Variants in CKB observed in about 807,000 individuals in gnomAD.
CKB encodes the protein creatine kinase B-type.
A neutral mutation model predicts 36.9 loss-of-function variants in CKB; 15 were observed. The ratio of observed to expected loss-of-function variants is 0.41; its 90% CI spans 0.27 to 0.63. The LOEUF (loss-of-function observed/expected upper bound fraction) is 0.63. CKB is among the 20% of genes least tolerant of loss of function. The probability of loss-of-function intolerance (pLI) is 0.34; values close to 1 mark genes in which losing one functional copy is unlikely to be tolerated. For missense variants in CKB, 413 were observed against 534.9 expected (o/e 0.77, Z 2.25); for synonymous variants, 250 against 228.2 (o/e 1.10, Z -0.86).
chr14:103,522,268 G>T lies in CKB; in HGVS notation c.193+33C>A. The stretch of plus-strand genomic sequence containing the variant: ...CCCTGCGGCTGCGCGGGGGGAGGGG[G>T]GGCCGGGACCCCGGCCCCGAGGGGT... On this transcript the variant is annotated intron_variant, in intron 2 of 7. Coordinates refer to ENST00000348956, the MANE Select transcript of CKB (RefSeq NM_001823.5). This position sits in a 1 kb window ranked among gnomAD's most constrained non-coding sequence, Gnocchi z 6.7. 6.3e-7 allele frequency: 1 copy of T among 1,580,738 alleles called. No homozygotes were observed. The highest frequency in any genetic ancestry group is 8.6e-7 in the Non-Finnish European group (1 of 1,167,378).
intron 5 of CKB, 41 bp downstream of exon 5, chr14:103,521,222 G>A (rs1253217017): frequency 3.2e-6 from 5 of 1,543,334 alleles, no homozygotes; most frequent in Non-Finnish European, 4.4e-6. Flanking sequence ...GGAGGTAGCG[G>A]GGAGGGAGGA....
At position 103,522,450 on chromosome 14, in the gene CKB, G is replaced by C. The variant is rs780501259; in HGVS notation, c.44C>G (p.Pro15Arg). 4.1e-5 allele frequency: 66 copies of C among 1,609,286 alleles called. No individual in the cohort carries two copies. Among genetic ancestry groups the C allele is most frequent in the Non-Finnish European group, 5.3e-5 (63 of 1,178,610 alleles). ...CAGGTCGGGGAACTCGTCCTCGGCC[G>C]GGAAGCGCAGCTTCAGTGCGTTGTG... Reference protein sequence around the residue: ...NSHNALKLRFPAEDEFPDLSA... With the variant: ...NSHNALKLRFRAEDEFPDLSA... Residue 15 changes from proline to arginine, a missense_variant, in exon 2 of 8, where the codon CCG becomes CGG. Around this residue, in one of 3 missense-constraint regions of CKB, gnomAD observed 74 missense variants for 70.6 expected, o/e 1.05. Transcript: ENST00000348956. The surrounding 1 kb of genome is among the most constrained non-coding windows in gnomAD (Gnocchi z 6.7).
At chr14:103,521,107 G>A (rs1182614965) in intron 5 of CKB, 156 bp downstream of exon 5, 1 of 932,558 alleles carries the variant, frequency 1.1e-6, no homozygotes, top group South Asian at 1.4e-5. Flanking sequence ...AGGAGGAGGC[G>A]CGGCACGGAA....
In CKB at chr14:103,521,952, T is replaced by A; in HGVS notation, c.349-2A>T. Reference sequence around the variant, plus strand: ...GTTGGGGTCCAGGTCGTCGCCGCCCTGGGAGGCGAGACGGGAGTGAGCGCC... The same window carrying A: ...GTTGGGGTCCAGGTCGTCGCCGCCCAGGGAGGCGAGACGGGAGTGAGCGCC... On this transcript the variant is annotated splice_acceptor_variant, in intron 3 of 7. Transcript: ENST00000348956. LOFTEE classifies it high-confidence loss of function. The A allele has an allele frequency of 6.4e-7, 1 of 1,570,034 alleles. No individual in the cohort carries two copies.
chr14:103,520,530 G>T lies in CKB; in HGVS notation c.716C>A (p.Ser239Tyr). 1.2e-6 allele frequency: 2 copies of T among 1,612,414 alleles called. No homozygotes were observed. Among genetic ancestry groups the T allele is most frequent in the South Asian group, 1.1e-5 (1 of 90,808 alleles). ...VNEEDHLRVISMQKGGNMKEV... is the reference protein window; with the variant it reads ...VNEEDHLRVIYMQKGGNMKEV... ...CTTCATGTTGCCCCCCTTCTGCATGGAGATGACCCGCAGGTGGTCCTCCTC... is the reference window on the plus strand; with the variant it reads ...CTTCATGTTGCCCCCCTTCTGCATGTAGATGACCCGCAGGTGGTCCTCCTC... The change falls in exon 6 of 8, where the codon TCC becomes TAC. Residue 239 changes from serine (S) to tyrosine (Y), a missense_variant. Ser to Tyr is a moderately radical substitution (Grantham distance 144, BLOSUM62 -2). Coordinates refer to ENST00000348956, the MANE Select transcript of CKB (RefSeq NM_001823.5).
In CKB at chr14:103,522,195, G is replaced by A. The variant is rs988040442; in HGVS notation, c.194-18C>T. On this transcript the variant is annotated intron_variant, in intron 2 of 7. Transcript: ENST00000348956. This position sits in a 1 kb window ranked among gnomAD's most constrained non-coding sequence, Gnocchi z 6.7. ...CGGGTGGCCTGGGGGAGGGGGCGCG[G>A]GACGGGGACAGTGACGTCACTGCCG... 1 of 1,597,652 alleles carries A rather than the reference G, an allele frequency of 6.3e-7. No individual in the cohort carries two copies. The highest frequency in any genetic ancestry group is 8.5e-7 in the Non-Finnish European group (1 of 1,173,172).
At chr14:103,521,065 T>A in intron 5 of CKB, 198 bp downstream of exon 5, 1 of 740,818 alleles carries the variant, frequency 1.3e-6, no homozygotes, top group East Asian at 2.7e-5. Context: ...CCCAGTCCCT[T>A]AACGCACCTG....
In CKB at chr14:103,521,351, C is replaced by G. The variant is rs1041105054; in HGVS notation, c.565G>C (p.Asp189His). Residue 189 changes from aspartate (D) to histidine (H), a missense_variant, in exon 5 of 8, where the codon GAC (aspartate) becomes CAC (histidine). Asp to His is a moderately conservative substitution (Grantham distance 81). Transcript: ENST00000348956. Reference protein sequence around the residue: ...MTEAEQQQLIDDHFLFDKPVS... With the variant: ...MTEAEQQQLIHDHFLFDKPVS... The stretch of plus-strand genomic sequence containing the variant: ...GGCTTGTCGAAGAGGAAGTGGTCGT[C>G]GATGAGCTGCTGCTGCTCCGCCTCC... 22 of 1,609,836 alleles carry G rather than the reference C, an allele frequency of 1.4e-5. No homozygotes were observed. The highest frequency in any genetic ancestry group is 1.8e-5 in the Non-Finnish European group (21 of 1,179,402).
rs1318172268 is a variant in CKB, at chr14:103,521,869, G to C, written c.430C>G (p.Pro144Ala). 2.6e-6 allele frequency: 4 copies of C among 1,559,970 alleles called. No individual in the cohort carries two copies. Among genetic ancestry groups the C allele is most frequent in the Non-Finnish European group, 3.4e-6 (4 of 1,163,332 alleles). ...GRSIRGFCLP[P>A]HCSRGERRAI... Reference sequence around the variant, plus strand: ...CGGCGCTCCCCGCGGCTGCAGTGCGGGGGGAGGCAGAAGCCACGGATGCTG... The same window carrying C: ...CGGCGCTCCCCGCGGCTGCAGTGCGCGGGGAGGCAGAAGCCACGGATGCTG... Residue 144 changes from proline to alanine, a missense_variant, in exon 4 of 8, where the codon CCG (proline) becomes GCG (alanine). Pro to Ala is a conservative substitution (Grantham distance 27, BLOSUM62 -1). Coordinates refer to ENST00000348956, the MANE Select transcript of CKB (RefSeq NM_001823.5).
At chr14:103,520,742 G>T in intron 5 of CKB, 150 bp from the exon 6 acceptor site, 1 of 1,134,634 alleles carries the variant, frequency 8.8e-7, no homozygotes, top group Non-Finnish European at 1.2e-6. Flanking sequence ...ACACGGGGCG[G>T]GCGGGGGAAC....
chr14:103,520,660 T>G, intron 5 of CKB, 68 bp from the exon 6 acceptor site: 1 of 1,530,136 alleles, frequency 6.5e-7, no homozygotes, highest in African/African-American at 1.4e-5. Context: ...CCAAAGGAAC[T>G]TCCCAAGTCC....
Position 103,519,926 on chromosome 14 carries a change from C to G in CKB, c.1084G>C (p.Glu362Gln), listed in dbSNP as rs778765991. The G allele has an allele frequency of 6.2e-7, 1 of 1,609,532 alleles. No individual in the cohort carries two copies. Among genetic ancestry groups the G allele is most frequent in the African/African-American group, 1.3e-5 (1 of 74,936 alleles). Residue 362 changes from glutamate (E) to glutamine (Q), a missense_variant, in exon 8 of 8, where the codon GAG becomes CAG. By Grantham distance (29) the Glu-to-Gln change is conservative. Transcript: ENST00000348956. The part of the protein sequence containing the change: ...MVVDGVKLLI[E>Q]MEQRLEQGQA... Reference sequence around the variant, plus strand: ...CCCTGCTCCAGCCGCTGCTCCATCTCGATGAGCAGCTTCACTCCGTCCACC... The same window carrying G: ...CCCTGCTCCAGCCGCTGCTCCATCTGGATGAGCAGCTTCACTCCGTCCACC...
Position 103,522,342 on chromosome 14 carries a change from A to C in CKB, c.152T>G (p.Phe51Cys). Reference protein sequence around the residue: ...ELRAKSTPSGFTLDDVIQTGV... With the variant: ...ELRAKSTPSGCTLDDVIQTGV... Reference sequence around the variant, plus strand: ...TGTCTGGATGACGTCGTCCAGCGTGAAGCCGCTCGGCGTGCTCTTGGCGCG... The same window carrying C: ...TGTCTGGATGACGTCGTCCAGCGTGCAGCCGCTCGGCGTGCTCTTGGCGCG... The change falls in exon 2 of 8, where the codon TTC (phenylalanine) becomes TGC (cysteine). Residue 51 changes from phenylalanine to cysteine, a missense_variant. Transcript: ENST00000348956. The surrounding 1 kb of genome is among the most constrained non-coding windows in gnomAD (Gnocchi z 6.7). The C allele has an allele frequency of 6.2e-7, 1 of 1,610,142 alleles. No individual in the cohort carries two copies. Among genetic ancestry groups the C allele is most frequent in the South Asian group, 1.1e-5 (1 of 91,002 alleles).
Position 103,521,258 on chromosome 14 carries a change from C to T in CKB, c.653+5G>A. On this transcript the variant is annotated splice_donor_5th_base_variant and intron_variant, in intron 5 of 7. Coordinates refer to ENST00000348956, the MANE Select transcript of CKB (RefSeq NM_001823.5). ...CGCCGCGAGAGGGCGCAGAGGGACACGCACCAGATACCGCGGGCGTCGGGC... is the reference window on the plus strand; with the variant it reads ...CGCCGCGAGAGGGCGCAGAGGGACATGCACCAGATACCGCGGGCGTCGGGC... 6.3e-7 allele frequency: 1 copy of T among 1,587,164 alleles called. No homozygotes were observed.
In CKB at chr14:103,522,488, G is replaced by A; in HGVS notation, c.6C>T (p.Pro2=). M[P]FSNSHNALKL... ...TCAGTGCGTTGTGGCTGTTGGAGAA[G>A]GGCATGGCGGCGGCGGGCTGCGGGG... The change falls in exon 2 of 8, where the codon CCC becomes CCT. Residue 2 remains proline, a synonymous_variant. Transcript: ENST00000348956. The surrounding 1 kb of genome is among the most constrained non-coding windows in gnomAD (Gnocchi z 6.7). The A allele has an allele frequency of 6.3e-7, 1 of 1,599,764 alleles. No homozygotes were observed.
At chr14:103,520,741 G>A (rs2071408) in intron 5 of CKB, 149 bp from the exon 6 acceptor site, 434,908 of 1,147,632 alleles carry the variant, frequency 0.38, 84,949 homozygotes, top group East Asian at 0.52. Flanking sequence ...AACACGGGGC[G>A]GGCGGGGGAA....
intron 5 of CKB, 112 bp from the exon 6 acceptor site, chr14:103,520,704 G>T (rs2075894041): frequency 7.1e-7 from 1 of 1,409,812 alleles, no homozygotes; most frequent in Admixed American, 2.6e-5. Context: ...CCCAGGAGTG[G>T]AGGCTGCTGC....
rs757404572 is a variant in CKB, at chr14:103,520,544, G to C, written c.702C>G (p.His234Gln). Residue 234 changes from histidine (H) to glutamine (Q), a missense_variant, in exon 6 of 8, where the codon CAC becomes CAG. Physicochemically the swap from His to Gln is conservative, Grantham distance 24. Coordinates refer to ENST00000348956, the MANE Select transcript of CKB (RefSeq NM_001823.5). ...CCTTCTGCATGGAGATGACCCGCAG[G>C]TGGTCCTCCTCGTTGACCCACACCA... ...TFLVWVNEED[H>Q]LRVISMQKGG... is the part of the protein sequence containing the mutation. 3 of 1,613,052 alleles carry C rather than the reference G, an allele frequency of 1.9e-6. No homozygotes were observed. The South Asian group carries it at 3.3e-5, about 18-fold the overall frequency.
chr14:103,521,050 C>A, intron 5 of CKB: 1 of 707,106 alleles, frequency 1.4e-6, no homozygotes, highest in Non-Finnish European at 2.5e-6. Flanking sequence ...CCCCACGGGC[C>A]GGGGCCCAGT....
Sources: gnomAD v4.1 joint callset for allele counts on GRCh38, gnomAD v4.1.1 for gene constraint, gnomAD v4.1.1 regional missense constraint, Gnocchi (gnomAD v3.1) non-coding constraint, MANE v1.5 for transcripts, NCBI Gene and HGNC (gene_info 2026-07-23, HGNC 2026-07-21) for gene names.